The following TRPM1 variants were observed in gnomAD, a reference collection of about 807,000 sequenced individuals.
TRPM1 encodes the protein transient receptor potential cation channel subfamily M member 1, also known as TRPM1-203 APA Isoform, Intron 10.
A neutral mutation model predicts 149.4 loss-of-function variants in TRPM1; 113 were observed. The observed-to-expected ratio is 0.76, with a 90% CI of 0.65 to 0.88. The LOEUF is 0.88. Ranked by LOEUF, TRPM1 falls within the 40% of genes least tolerant of loss-of-function variation. The pLI is 0.00. For synonymous variants in TRPM1, 741 were observed against 759.5 expected (o/e 0.98, Z 0.40); for missense variants, 1,976 against 2,038.7 (o/e 0.97, Z 0.59).
chr15:31,087,971 G>T (rs1031647995), intron 1 of TRPM1, among the ~76,000 whole-genome samples: 1 of 152,182 alleles, frequency 6.6e-6, no homozygotes, highest in Admixed American at 6.5e-5. Context: ...TGGTAAGATG[G>T]TAAATTTTAT....
At chr15:31,152,079 T>C (rs1021587599) in intron 1 of TRPM1, among the ~76,000 whole-genome samples, 2 of 152,134 alleles carry the variant, frequency 1.3e-5, no homozygotes, top group Non-Finnish European at 2.9e-5. Flanking sequence ...ATGGAGTACT[T>C]ACTGGCCAGC....
intron 1 of TRPM1, among the ~76,000 whole-genome samples, chr15:31,138,224 C>T (rs1328298701): frequency 2.0e-5 from 3 of 152,008 alleles, no homozygotes; most frequent in Non-Finnish European, 4.4e-5. Flanking sequence ...GAAAGGGGGC[C>T]GCCCTCACAA....
chr15:31,069,752 G>A, intron 4 of TRPM1: 1 of 1,440,838 alleles, frequency 6.9e-7, no homozygotes, highest in Non-Finnish European at 9.1e-7. Context: ...TGGAGCAATG[G>A]AGTGTGTTTG....
chr15:31,129,285 A>G (rs1300585233), intron 1 of TRPM1, among the ~76,000 whole-genome samples: 2 of 152,214 alleles, frequency 1.3e-5, no homozygotes, highest in African/African-American at 4.8e-5. Context: ...TGCCAGTGCC[A>G]CAGCAACAGT....
chr15:31,099,957 A>C lies in TRPM1; in HGVS notation c.-84+1700T>G, dbSNP rs539895933. Among the ~76,000 whole-genome samples the C allele has an allele frequency of 5.3e-5, 8 of 152,210 alleles. No homozygotes were observed. In the South Asian group the frequency reaches 1.7e-3, roughly 32 times the overall value. On this transcript the variant is annotated intron_variant, in intron 1 of 27. Transcript: ENST00000256552. ...GGCTCCGTTCTTAATTCCTCCCTAA[A>C]TATCTGATTCAGACAGAGAAAATGT... is the stretch of plus-strand genomic sequence containing the variant.
At chr15:31,065,036 G>A (rs780832965) in intron 7 of TRPM1, 2 of 534,490 alleles carry the variant, frequency 3.7e-6, no homozygotes, top group East Asian at 5.4e-5. Context: ...TCGAAGCTCC[G>A]TGCTGTGGGA....
upstream of TRPM1, among the ~76,000 whole-genome samples, chr15:31,103,959 AC>A (rs1382705736): frequency 6.6e-6 from 1 of 152,076 alleles, no homozygotes; most frequent in Non-Finnish European, 1.5e-5. Context: ...AGGGGTTCTC[AC>A]CAGACTGTCC....
Position 31,109,930 on chromosome 15 carries a change from G to T in TRPM1, c.55-32946C>A, listed in dbSNP as rs140480820. 9.7e-4 allele frequency among the ~76,000 whole-genome samples: 148 copies of T among 152,318 alleles called. 1 individual carries two copies. Among genetic ancestry groups the T allele is most frequent in the Middle Eastern group, 3.4e-3 (1 of 294 alleles). ...GGGACAGAGGGCAGGTGTGGGGCAG[G>T]ATGGGAGTCCAAGGGCTCAGGCCAG... is the stretch of plus-strand genomic sequence containing the variant. On this transcript the variant is annotated intron_variant, in intron 1 of 26. Transcript: ENST00000542188.
chr15:31,100,806 C>T (rs1006413848), intron 1 of TRPM1, among the ~76,000 whole-genome samples: 1 of 152,190 alleles, frequency 6.6e-6, no homozygotes, highest in Non-Finnish European at 1.5e-5. Context: ...TATGGACAGA[C>T]CATGATTGAT....
intron 1 of TRPM1, among the ~76,000 whole-genome samples, chr15:31,158,619 T>C (rs1596108836): frequency 9.9e-6 from 1 of 101,190 alleles, no homozygotes. Context: ...AGAGTGAGAC[T>C]CCATCTCAAA....
At chr15:31,079,548 G>T (rs1236385071) in intron 2 of TRPM1, among the ~76,000 whole-genome samples, 1 of 152,230 alleles carries the variant, frequency 6.6e-6, no homozygotes. Context: ...CAGAAGCCAG[G>T]TCTCTTTATA....
At chr15:31,100,208 C>T (rs2035483551) in intron 1 of TRPM1, among the ~76,000 whole-genome samples, 1 of 151,848 alleles carries the variant, frequency 6.6e-6, no homozygotes, top group Non-Finnish European at 1.5e-5. Context: ...TCTCGAGTAG[C>T]TGGGACTACA....
At chr15:31,067,526 T>C (rs2034412633) in intron 5 of TRPM1, among the ~76,000 whole-genome samples, 1 of 146,824 alleles carries the variant, frequency 6.8e-6, no homozygotes. Context: ...TACTGCCTGG[T>C]ATGTTCCTTA....
chr15:31,041,865 G>A, intron 17 of TRPM1, 86 bp downstream of exon 17: 1 of 1,411,222 alleles, frequency 7.1e-7, no homozygotes, highest in African/African-American at 1.4e-5. Context: ...CCTTAAGTGA[G>A]AAGTACATTG....
At chr15:31,030,934 T>C in intron 23 of TRPM1, 49 bp downstream of exon 23, 1 of 1,607,242 alleles carries the variant, frequency 6.2e-7, no homozygotes, top group Middle Eastern at 1.7e-4. Flanking sequence ...GAACTGATCA[T>C]CTGCCTCAGA....
At chr15:31,035,770 A>G in intron 20 of TRPM1, 96 bp from the exon 21 acceptor site, 2 of 1,566,930 alleles carry the variant, frequency 1.3e-6, no homozygotes, top group African/African-American at 1.3e-5. Context: ...CATCTAAAAG[A>G]ATCTTTGTTT....
Position 31,133,265 on chromosome 15 carries a change from C to A in TRPM1, c.54+27641G>T, listed in dbSNP as rs184871146. Among the ~76,000 whole-genome samples, 637 of 152,042 alleles carry A rather than the reference C, an allele frequency of 4.2e-3. 5 individuals carry two copies. Among genetic ancestry groups the A allele is most frequent in the African/African-American group, 0.015 (603 of 41,330 alleles). On this transcript the variant is annotated intron_variant, in intron 1 of 26. Coordinates refer to the TRPM1 transcript ENST00000542188. ...CCAGCCTGGCCAAAGTGGCAAAAACCTGTCTCTACTAAAAATACAAAAAAT... is the reference window on the plus strand; with the variant it reads ...CCAGCCTGGCCAAAGTGGCAAAAACATGTCTCTACTAAAAATACAAAAAAT...
At chr15:31,144,037 T>C (rs2036192587) in intron 1 of TRPM1, among the ~76,000 whole-genome samples, 1 of 152,210 alleles carries the variant, frequency 6.6e-6, no homozygotes, top group Admixed American at 6.5e-5. Context: ...TTCCGAGCCT[T>C]ACAGTGAGTA....
intron 13 of TRPM1, 105 bp downstream of exon 13, chr15:31,049,270 C>T: frequency 6.5e-7 from 1 of 1,547,300 alleles, no homozygotes; most frequent in Non-Finnish European, 8.9e-7. Context: ...ACGGACCTCC[C>T]AGCTGAAGGA....
Sources: gnomAD v4.1 joint callset for allele counts (sites outside exome capture counted in the v4.1 genomes callset) on GRCh38, gnomAD v4.1.1 for gene constraint, MANE v1.5 for transcripts, NCBI Gene and HGNC (gene_info 2026-07-23, HGNC 2026-07-21) for gene names.